TYW1: variants seen among roughly 807,000 people sequenced by gnomAD.
TYW1 encodes tRNA-yW synthesizing protein 1 homolog.
A neutral mutation model predicts 96.2 loss-of-function variants in TYW1; 46 were observed. That is an observed-to-expected ratio of 0.48 (90% CI 0.38 to 0.61). The LOEUF (loss-of-function observed/expected upper bound fraction) is 0.61, where lower values mean the gene tolerates loss of function less well. TYW1 is among the 20% of genes least tolerant of loss of function. The pLI is 0.00. For missense variants in TYW1, 684 were observed against 909.6 expected, an observed-to-expected ratio of 0.75 and a Z score of 3.19; for synonymous variants, 274 against 323.0, an observed-to-expected ratio of 0.85 and a Z score of 1.63.
At chr7:67,029,407 G>GTATATATATATA (rs1453768398) in intron 7 of TYW1, among the ~76,000 whole-genome samples, 13 of 96,226 alleles carry the variant, frequency 1.4e-4, no homozygotes, top group African/African-American at 5.1e-4. Flanking sequence ...GTGTGTGTGT[G>GTATATATATATA]TGTGTGTGTA....
chr7:67,030,071 T>C (rs1289687378), intron 7 of TYW1, among the ~76,000 whole-genome samples: 3 of 152,150 alleles, frequency 2.0e-5, no homozygotes, highest in Non-Finnish European at 4.4e-5. Context: ...CACATCAGTG[T>C]GTTCCTCAAC....
intron 13 of TYW1, among the ~76,000 whole-genome samples, chr7:67,120,674 T>C (rs1797734459): frequency 6.6e-6 from 1 of 152,232 alleles, no homozygotes; most frequent in Non-Finnish European, 1.5e-5. Context: ...CTGACATTGT[T>C]ATCTAGGCTG....
At chr7:67,080,934 CT>C in intron 10 of TYW1, among the ~76,000 whole-genome samples, 1 of 19,890 alleles carries the variant, frequency 5.0e-5, no homozygotes, top group African/African-American at 1.9e-4. Flanking sequence ...TTTTTGCTTT[CT>C]TACTGTTTTT....
intron 12 of TYW1, 92 bp from the exon 13 acceptor site, chr7:67,117,391 C>T: frequency 7.0e-7 from 1 of 1,428,562 alleles, no homozygotes; most frequent in Non-Finnish European, 9.4e-7. Context: ...GTGTTTAATC[C>T]CCATGTCTAT....
At chr7:67,130,226 C>T (rs1281333386) in intron 13 of TYW1, among the ~76,000 whole-genome samples, 1 of 151,322 alleles carries the variant, frequency 6.6e-6, no homozygotes, top group African/African-American at 2.4e-5. Context: ...ACTACAAATA[C>T]AAAAATCAGT....
chr7:67,007,390 C>T (rs777930618), intron 3 of TYW1, among the ~76,000 whole-genome samples: 8 of 152,082 alleles, frequency 5.3e-5, no homozygotes, highest in Non-Finnish European at 7.4e-5. Context: ...TTTGTTGCTT[C>T]GCTTGTTGCA....
At chr7:67,153,154 T>C (rs1798856384) in intron 13 of TYW1, among the ~76,000 whole-genome samples, 1 of 152,188 alleles carries the variant, frequency 6.6e-6, no homozygotes, top group Non-Finnish European at 1.5e-5. Flanking sequence ...GAATGCATGC[T>C]TTTTAAATCT....
chr7:67,194,532 C>T (rs1396917392), intron 14 of TYW1, among the ~76,000 whole-genome samples: 2 of 152,034 alleles, frequency 1.3e-5, no homozygotes, highest in Non-Finnish European at 2.9e-5. Context: ...GGCTGAGGCA[C>T]GAGACTCTCT....
chr7:67,143,213 G>GGGGCATAC (rs777435179), intron 13 of TYW1, among the ~76,000 whole-genome samples: 101 of 152,030 alleles, frequency 6.6e-4, no homozygotes, highest in Non-Finnish European at 1.2e-3. Flanking sequence ...GTGCTAGGCC[G>GGGGCATAC]GGGCATATAG....
At chr7:67,204,820 C>T (rs1292012377) in intron 15 of TYW1, among the ~76,000 whole-genome samples, 1 of 152,082 alleles carries the variant, frequency 6.6e-6, no homozygotes, top group Non-Finnish European at 1.5e-5. Context: ...TCTTGAACTC[C>T]TGGCTTCCAG....
intron 11 of TYW1, among the ~76,000 whole-genome samples, chr7:67,097,875 A>AT (rs1187393895): frequency 7.0e-6 from 1 of 142,842 alleles, no homozygotes; most frequent in Non-Finnish European, 1.5e-5. Context: ...TTTTTTTTTA[A>AT]TTTTTAGTAG....
At chr7:67,222,871 T>TTC (rs1801441715) in intron 15 of TYW1, among the ~76,000 whole-genome samples, 15 of 148,792 alleles carry the variant, frequency 1.0e-4, no homozygotes, top group African/African-American at 2.9e-4. Flanking sequence ...TTTTTCTTTT[T>TTC]TTTTTTTTTT....
rs1363493910 is a variant in TYW1, at chr7:67,239,271, G to A, written c.*742G>A. 1.0e-6 allele frequency: 1 copy of A among 985,340 alleles called. No individual in the cohort carries two copies. Among genetic ancestry groups the A allele is most frequent in the Non-Finnish European group, 1.2e-6 (1 of 829,974 alleles). The allele number at this position is 985,340 out of a possible 1,614,324, so 61.0% of individuals were successfully genotyped here. On this transcript the variant is annotated 3_prime_UTR_variant, in exon 16 of 16. Transcript: ENST00000359626. The stretch of plus-strand genomic sequence containing the variant: ...TAGTCTCACAAACACACTTTGGACT[G>A]AAGAGGATCATTTCTTTTTGTTCGT...
At chr7:67,116,695 G>T (rs1797605356) in intron 12 of TYW1, among the ~76,000 whole-genome samples, 1 of 152,050 alleles carries the variant, frequency 6.6e-6, no homozygotes, top group Non-Finnish European at 1.5e-5. Flanking sequence ...TGGGGATTGG[G>T]CCGGGGGAAA....
chr7:67,138,594 C>T (rs755159067), intron 13 of TYW1, among the ~76,000 whole-genome samples: 1 of 151,838 alleles, frequency 6.6e-6, no homozygotes, highest in Non-Finnish European at 1.5e-5. Context: ...TTTTTTGTAC[C>T]CATTAACCAT....
At chr7:67,023,393 G>A (rs1025776710) in intron 6 of TYW1, among the ~76,000 whole-genome samples, 2 of 151,958 alleles carry the variant, frequency 1.3e-5, no homozygotes, top group African/African-American at 4.8e-5. Context: ...CACTGTGTCC[G>A]GCCCGTTTCT....
chr7:67,162,050 A>G (rs1799177991), intron 13 of TYW1, among the ~76,000 whole-genome samples: 1 of 152,140 alleles, frequency 6.6e-6, no homozygotes. Context: ...TAATCCCAGC[A>G]CTTTGGGAGG....
At chr7:67,080,051 G>C (rs1436418277) in intron 10 of TYW1, among the ~76,000 whole-genome samples, 2 of 152,188 alleles carry the variant, frequency 1.3e-5, no homozygotes, top group Non-Finnish European at 2.9e-5. Context: ...GTATTCTGCA[G>C]GTGTAGTATG....
chr7:67,110,039 C>A (rs1018539063), intron 12 of TYW1, among the ~76,000 whole-genome samples: 1 of 152,160 alleles, frequency 6.6e-6, no homozygotes, highest in Non-Finnish European at 1.5e-5. Flanking sequence ...TGGAAACTTT[C>A]TCTCACAGGG....
Sources: allele counts gnomAD v4.1 joint callset (sites outside exome capture counted in the v4.1 genomes callset), GRCh38; gene constraint gnomAD v4.1.1; transcripts MANE v1.5; gene names NCBI Gene and HGNC (gene_info 2026-07-23, HGNC 2026-07-21).